The following MECOM variants were observed in gnomAD, a reference collection of about 807,000 sequenced individuals.
MECOM encodes the protein MDS1 and EVI1 complex locus, also known as histone-lysine N-methyltransferase MECOM.
Under a neutral mutation model 116.3 loss-of-function variants are expected in MECOM, and 13 were observed. The observed-to-expected ratio is 0.11, with a 90% CI of 0.07 to 0.18. MECOM has a LOEUF of 0.18. MECOM is among the 10% of genes least tolerant of loss of function. The pLI is 1.00. For missense variants in MECOM, 1,299 were observed against 1,509.0 expected, an observed-to-expected ratio of 0.86 and a Z score of 2.31; for synonymous variants, 528 against 535.2, an observed-to-expected ratio of 0.99 and a Z score of 0.19.
chr3:169,386,331 A>G (rs1487175459), intron 1 of MECOM, among the ~76,000 whole-genome samples: 1 of 152,112 alleles, frequency 6.6e-6, no homozygotes, highest in African/African-American at 2.4e-5. Flanking sequence ...ATAATCTTCC[A>G]TTTTCCAGAT....
intron 2 of MECOM, among the ~76,000 whole-genome samples, chr3:169,378,470 C>A (rs56215644): frequency 0.095 from 3,069 of 32,238 alleles, 449 homozygotes; most frequent in African/African-American, 0.18. Flanking sequence ...AGCAAGCAAG[C>A]AAGCAAGAAA....
intron 2 of MECOM, among the ~76,000 whole-genome samples, chr3:169,325,748 A>G (rs146112728): frequency 3.9e-4 from 60 of 152,368 alleles, no homozygotes; most frequent in African/African-American, 1.4e-3. Context: ...AGGAAGTTAA[A>G]TAACTTTGAA....
chr3:169,551,871 C>T (rs1402275643), intron 1 of MECOM, among the ~76,000 whole-genome samples: 1 of 151,996 alleles, frequency 6.6e-6, no homozygotes, highest in Admixed American at 6.5e-5. Context: ...AATTATTCAG[C>T]CATAAAAAGG....
intron 2 of MECOM, among the ~76,000 whole-genome samples, chr3:169,193,747 AAAGTT>A (rs1360306648): frequency 6.6e-6 from 1 of 152,032 alleles, no homozygotes; most frequent in Non-Finnish European, 1.5e-5. Context: ...ACCTATTTCA[AAAGTT>A]TTGATTTTAG....
At chr3:169,466,748 G>A (rs550205564) in intron 1 of MECOM, among the ~76,000 whole-genome samples, 1 of 152,016 alleles carries the variant, frequency 6.6e-6, no homozygotes, top group African/African-American at 2.4e-5. Flanking sequence ...GAGAGATTCT[G>A]GTAATAGGAA....
intron 1 of MECOM, among the ~76,000 whole-genome samples, chr3:169,384,322 C>T (rs1732947730): frequency 6.6e-6 from 1 of 152,040 alleles, no homozygotes; most frequent in Admixed American, 6.6e-5. Flanking sequence ...GATGAATTGT[C>T]CACTTTTCTC....
At chr3:169,534,126 T>C (rs1759023372) in intron 1 of MECOM, among the ~76,000 whole-genome samples, 1 of 152,222 alleles carries the variant, frequency 6.6e-6, no homozygotes, top group Non-Finnish European at 1.5e-5. Context: ...AGATGCACTA[T>C]GAATTTCTTA....
intron 2 of MECOM, among the ~76,000 whole-genome samples, chr3:169,158,830 G>A (rs1237286523): frequency 6.6e-6 from 1 of 152,200 alleles, no homozygotes; most frequent in Non-Finnish European, 1.5e-5. Flanking sequence ...TTGAGACAGT[G>A]TGTTTTTATG....
intron 1 of MECOM, among the ~76,000 whole-genome samples, chr3:169,511,632 T>A (rs1755974811): frequency 6.6e-6 from 1 of 151,910 alleles, no homozygotes; most frequent in African/African-American, 2.4e-5. Flanking sequence ...GGTGTGATGG[T>A]GGGCGCTTGT....
chr3:169,425,794 A>G (rs1740560589), intron 1 of MECOM, among the ~76,000 whole-genome samples: 1 of 152,232 alleles, frequency 6.6e-6, no homozygotes, highest in Admixed American at 6.5e-5. Context: ...TTGAGAAAAT[A>G]AACACAATGG....
intron 1 of MECOM, among the ~76,000 whole-genome samples, chr3:169,495,379 G>C (rs1394943977): frequency 6.6e-6 from 1 of 152,040 alleles, no homozygotes; most frequent in African/African-American, 2.4e-5. Context: ...ATTAATTTAA[G>C]TTTTTATTCT....
intron 2 of MECOM, among the ~76,000 whole-genome samples, chr3:169,373,152 C>A (rs541538041): frequency 6.6e-6 from 1 of 152,058 alleles, no homozygotes; most frequent in South Asian, 2.1e-4. Context: ...CTTTAAAGAT[C>A]TTTTTGTTGG....
intron 2 of MECOM, among the ~76,000 whole-genome samples, chr3:169,299,879 G>A (rs1459617748): frequency 1.3e-5 from 2 of 152,168 alleles, no homozygotes; most frequent in Non-Finnish European, 2.9e-5. Context: ...CAAATAGGCT[G>A]GAGAGAGCCT....
intron 2 of MECOM, among the ~76,000 whole-genome samples, chr3:169,354,793 C>G (rs951164583): frequency 1.3e-4 from 19 of 151,770 alleles, no homozygotes; most frequent in Non-Finnish European, 2.2e-4. Context: ...TTTTCCCCCC[C>G]TTCCTGAGCT....
chr3:169,545,984 T>C (rs1166453411), intron 1 of MECOM, among the ~76,000 whole-genome samples: 15 of 152,212 alleles, frequency 9.9e-5, no homozygotes, highest in Admixed American at 9.8e-4. Context: ...AAAGTTATAT[T>C]CAAAAGTAAA....
intron 1 of MECOM, among the ~76,000 whole-genome samples, chr3:169,525,097 C>T (rs183078652): frequency 3.3e-5 from 5 of 152,190 alleles, no homozygotes; most frequent in South Asian, 2.1e-4. Flanking sequence ...CAAGAAATAA[C>T]GGAGTTTCTA....
rs181295571 is a variant in MECOM at position 169,349,916 on chromosome 3, G to T, written c.375+31271C>A. 8.6e-4 allele frequency among the ~76,000 whole-genome samples: 130 copies of T among 152,004 alleles called. No individual in the cohort carries two copies. In the East Asian group the frequency reaches 0.022, roughly 26 times the overall value. On this transcript the variant is annotated intron_variant, in intron 2 of 16. Coordinates refer to ENST00000651503, the MANE Select transcript of MECOM (RefSeq NM_004991.4). ...ATGCAAGCCCTGCCATTATTTTCCTGTTTGGGGCTGAGAGAGATACCAAAA... is the reference window on the plus strand; with the variant it reads ...ATGCAAGCCCTGCCATTATTTTCCTTTTTGGGGCTGAGAGAGATACCAAAA...
chr3:169,474,703 C>G (rs1434304576), intron 1 of MECOM, among the ~76,000 whole-genome samples: 3 of 152,078 alleles, frequency 2.0e-5, no homozygotes, highest in African/African-American at 7.2e-5. Context: ...TTGGAAGATA[C>G]AAAAACTCTG....
rs531255340 is a variant in MECOM, at chr3:169,474,984, G to A, written c.38-93460C>T. 1.1e-4 allele frequency among the ~76,000 whole-genome samples: 17 copies of A among 152,196 alleles called. 1 individual carries two copies. In the South Asian group the frequency reaches 3.3e-3, roughly 30 times the overall value. ...TTACCCTAGATCTCATTGCTAGTAG[G>A]GGCCAAGCTGAGTTCCAATTTCAGT... On this transcript the variant is annotated intron_variant, in intron 1 of 16. Coordinates refer to ENST00000651503, the MANE Select transcript of MECOM (RefSeq NM_004991.4).
Sources: allele counts gnomAD v4.1 joint callset (sites outside exome capture counted in the v4.1 genomes callset), GRCh38; gene constraint gnomAD v4.1.1; transcripts MANE v1.5; gene names NCBI Gene and HGNC (gene_info 2026-07-23, HGNC 2026-07-21).